Variants in HSD11B1 observed in about 807,000 individuals in gnomAD.
The protein encoded by HSD11B1 is hydroxysteroid 11-beta dehydrogenase 1.
HSD11B1 carries 15 observed loss-of-function variants against 22.1 expected under a neutral mutation model. That is an observed-to-expected ratio of 0.68 (90% CI 0.45 to 1.04). The LOEUF (loss-of-function observed/expected upper bound fraction) is 1.04, where lower values mean the gene tolerates loss of function less well. HSD11B1 is among the 50% of genes least tolerant of loss of function. The probability of loss-of-function intolerance (pLI) is 0.00; values close to 1 mark genes in which losing one functional copy is unlikely to be tolerated. For missense variants in HSD11B1, 281 were observed against 357.6 expected (o/e 0.79, Z 1.73); for synonymous variants, 122 against 125.2 (o/e 0.97, Z 0.17).
chr1:209,725,835 G>A (rs745503507), intron 4 of HSD11B1, among the ~76,000 whole-genome samples: 1 of 152,160 alleles, frequency 6.6e-6, no homozygotes, highest in African/African-American at 2.4e-5. Flanking sequence ...TTTGCACATG[G>A]TCCTTACGTG....
chr1:209,692,607 C>CGGGGGGGGG (rs796545462), intron 1 of HSD11B1, among the ~76,000 whole-genome samples: 9 of 48,230 alleles, frequency 1.9e-4, no homozygotes, highest in Admixed American at 6.1e-4. Context: ...ATTAAAATGG[C>CGGGGGGGGG]GGGGGGGGGG....
At chr1:209,728,144 T>C (rs2077014829) in intron 4 of HSD11B1, among the ~76,000 whole-genome samples, 2 of 152,242 alleles carry the variant, frequency 1.3e-5, no homozygotes, top group South Asian at 4.1e-4. Context: ...TCATAGTATA[T>C]GCCTCCAATT....
At chr1:209,727,548 C>T (rs1337771336) in intron 4 of HSD11B1, among the ~76,000 whole-genome samples, 1 of 152,186 alleles carries the variant, frequency 6.6e-6, no homozygotes, top group Non-Finnish European at 1.5e-5. Flanking sequence ...GCAGAAAGAA[C>T]TGGATTTAAC....
intron 4 of HSD11B1, among the ~76,000 whole-genome samples, chr1:209,722,716 C>A (rs2102391752): frequency 6.6e-6 from 1 of 152,224 alleles, no homozygotes; most frequent in South Asian, 2.1e-4. Flanking sequence ...GACTCTCTGG[C>A]CTTGAAGCCA....
Position 209,706,078 on chromosome 1 carries a change from T to G in HSD11B1, c.219+137T>G, listed in dbSNP as rs2076857164. 1 of 1,140,692 alleles carries G rather than the reference T, an allele frequency of 8.8e-7. No homozygotes were observed. Among genetic ancestry groups the G allele is most frequent in the South Asian group, 1.3e-5 (1 of 76,550 alleles). 70.7% of individuals were successfully genotyped at this position (1,140,692 alleles called of 1,614,324 possible). On this transcript the variant is annotated intron_variant, in intron 2 of 5. Coordinates refer to ENST00000367027, the MANE Select transcript of HSD11B1 (RefSeq NM_005525.4). This position sits in a 1 kb window ranked among gnomAD's most constrained non-coding sequence, Gnocchi z 4.0. The stretch of plus-strand genomic sequence containing the variant: ...CATGCACACACACAGACACTTAATT[T>G]TGCACTCTCATATATAGATTCAAAC...
At chr1:209,705,437 T>A (rs1378021392) in intron 1 of HSD11B1, among the ~76,000 whole-genome samples, 1 of 151,470 alleles carries the variant, frequency 6.6e-6, no homozygotes, top group Non-Finnish European at 1.5e-5. Context: ...TCCCTGGAAT[T>A]TCTATGAACA....
intron 1 of HSD11B1, 133 bp from the exon 2 acceptor site, chr1:209,705,678 G>C: frequency 8.9e-7 from 1 of 1,119,462 alleles, no homozygotes; most frequent in Non-Finnish European, 1.3e-6. Context: ...GATTTACGGA[G>C]TTTGTGACAA....
intron 4 of HSD11B1, among the ~76,000 whole-genome samples, chr1:209,730,945 C>G (rs561878046): frequency 7.4e-4 from 112 of 152,294 alleles, no homozygotes; most frequent in Non-Finnish European, 1.2e-3. Context: ...GTTATTGACA[C>G]TTGGAAGAAG....
chr1:209,692,612 G>GGC (rs1553286719), intron 1 of HSD11B1, among the ~76,000 whole-genome samples: 3 of 113,010 alleles, frequency 2.7e-5, no homozygotes, highest in African/African-American at 6.8e-5. Context: ...AATGGCGGGG[G>GGC]GGGGGGTGGG....
At chr1:209,724,314 G>A (rs1012704364) in intron 4 of HSD11B1, among the ~76,000 whole-genome samples, 22 of 152,314 alleles carry the variant, frequency 1.4e-4, no homozygotes, top group African/African-American at 4.3e-4. Flanking sequence ...AAAGACTGAC[G>A]TGAGGAAAAT....
chr1:209,691,517 T>C (rs949412422), intron 1 of HSD11B1, among the ~76,000 whole-genome samples: 8 of 152,162 alleles, frequency 5.3e-5, no homozygotes, highest in African/African-American at 1.4e-4. Context: ...AAGGAGCTCA[T>C]AGATTACTCA....
chr1:209,706,653 C>T lies in HSD11B1; in HGVS notation c.220-56C>T, dbSNP rs777651281. 24 of 1,192,686 alleles carry T rather than the reference C, an allele frequency of 2.0e-5. No homozygotes were observed. The highest frequency in any genetic ancestry group is 2.5e-5 in the Non-Finnish European group (20 of 797,290). The allele number at this position is 1,192,686 out of a possible 1,614,324, so 73.9% of individuals were successfully genotyped here. A position where few individuals can be genotyped will look rare whatever the true frequency, so the allele number is the denominator to read the frequency against. Reference sequence around the variant, plus strand: ...TTTAAGCCCCCCGTTACTTCAGAGACTACCCCCCAAAAATCTGCAGCTAAG... The same window carrying T: ...TTTAAGCCCCCCGTTACTTCAGAGATTACCCCCCAAAAATCTGCAGCTAAG... On this transcript the variant is annotated intron_variant, in intron 2 of 5. Coordinates refer to ENST00000367027, the MANE Select transcript of HSD11B1 (RefSeq NM_005525.4). The surrounding 1 kb of genome is among the most constrained non-coding windows in gnomAD (Gnocchi z 4.0).
chr1:209,719,019 C>CAAAAAAAAAAAAAAAAAA (rs56342028), intron 4 of HSD11B1, among the ~76,000 whole-genome samples: 6 of 35,698 alleles, frequency 1.7e-4, no homozygotes, highest in Non-Finnish European at 1.8e-4. Context: ...GACTCCATCT[C>CAAAAAAAAAAAAAAAAAA]AAAAAAAAAA....
chr1:209,717,155 C>T (rs145892493), intron 4 of HSD11B1, among the ~76,000 whole-genome samples: 1,695 of 151,992 alleles, frequency 0.011, 35 homozygotes, highest in African/African-American at 0.039. Context: ...AATATTCATG[C>T]GACAAGGACT....
chr1:209,706,018 G>C lies in HSD11B1; in HGVS notation c.219+77G>C. On this transcript the variant is annotated intron_variant, in intron 2 of 5. Transcript: ENST00000367027. This position sits in a 1 kb window ranked among gnomAD's most constrained non-coding sequence, Gnocchi z 4.0. ...TCTTATATATGCTCACATATACACA[G>C]AAGCTAGCATATCGCAGATCTATAT... 1 of 1,573,228 alleles carries C rather than the reference G, an allele frequency of 6.4e-7. No homozygotes were observed. The highest frequency in any genetic ancestry group is 2.3e-5 in the East Asian group (1 of 44,400).
intron 4 of HSD11B1, among the ~76,000 whole-genome samples, chr1:209,718,397 A>G (rs753776992): frequency 6.6e-6 from 1 of 152,194 alleles, no homozygotes; most frequent in Non-Finnish European, 1.5e-5. Context: ...AAAAAATTTA[A>G]TGGGCAAAGG....
rs768366285 is a variant in HSD11B1 at position 209,706,825 on chromosome 1, G to A, written c.331+5G>A. Reference sequence around the variant, plus strand: ...CCCAAGCAGGAAAGCTCATGGGTGAGGCTGTTTCTCTTACCTCCTCCTCTG... The same window carrying A: ...CCCAAGCAGGAAAGCTCATGGGTGAAGCTGTTTCTCTTACCTCCTCCTCTG... On this transcript the variant is annotated splice_donor_5th_base_variant and intron_variant, in intron 3 of 5. Coordinates refer to ENST00000367027, the MANE Select transcript of HSD11B1 (RefSeq NM_005525.4). The surrounding 1 kb of genome is among the most constrained non-coding windows in gnomAD (Gnocchi z 4.0). The A allele has an allele frequency of 6.2e-7, 1 of 1,613,174 alleles. No individual in the cohort carries two copies. Among genetic ancestry groups the A allele is most frequent in the Non-Finnish European group, 8.5e-7 (1 of 1,179,188 alleles).
intron 5 of HSD11B1, 118 bp downstream of exon 5, chr1:209,732,697 C>T (rs922683428): frequency 4.8e-6 from 4 of 839,932 alleles, no homozygotes; most frequent in Admixed American, 1.8e-5. Context: ...GTGCTGCACC[C>T]ATTAACTCGT....
chr1:209,710,983 C>CT (rs2076891301), intron 4 of HSD11B1, among the ~76,000 whole-genome samples: 1 of 152,194 alleles, frequency 6.6e-6, no homozygotes, highest in South Asian at 2.1e-4. Flanking sequence ...CTTTCAGGCA[C>CT]TTTGAGTTGA....
Sources: gnomAD v4.1 joint callset for allele counts (sites outside exome capture counted in the v4.1 genomes callset) on GRCh38, gnomAD v4.1.1 for gene constraint, Gnocchi (gnomAD v3.1) non-coding constraint, MANE v1.5 for transcripts, NCBI Gene and HGNC (gene_info 2026-07-23, HGNC 2026-07-21) for gene names.